Variants in TMTC4 observed in about 807,000 individuals in gnomAD.
The protein encoded by TMTC4 is protein O-mannosyl-transferase TMTC4.
Under a neutral mutation model 86.0 loss-of-function variants are expected in TMTC4, and 65 were observed. The ratio of observed to expected loss-of-function variants is 0.76; its 90% confidence interval spans 0.62 to 0.93. TMTC4 has a LOEUF of 0.93. Ranked by LOEUF, TMTC4 falls within the 40% of genes least tolerant of loss-of-function variation. TMTC4 has a pLI of 0.00. For synonymous variants in TMTC4, 379 were observed against 382.5 expected (o/e 0.99, Z 0.11); for missense variants, 866 against 948.1 (o/e 0.91, Z 1.14).
rs143954200 is a variant in TMTC4 at position 100,642,899 on chromosome 13, C to A, written c.641-588G>T. ...TGACAGAGCTGGCACCTACCTAGCA[C>A]CTGGGGCAGGTAAAGACATGGACCA... On this transcript the variant is annotated intron_variant, in intron 6 of 18. Transcript: ENST00000342624. Among the ~76,000 whole-genome samples the A allele has an allele frequency of 3.3e-3, 495 of 152,298 alleles. 1 individual carries two copies. Among genetic ancestry groups the A allele is most frequent in the African/African-American group, 0.011 (476 of 41,550 alleles).
rs140809677 is a variant in TMTC4, at chr13:100,673,146, C to A, written c.-208+1598G>T. Reference sequence around the variant, plus strand: ...AATTTCTCAAACTTCTCATATCGAGCCTCTGTTTTCAGGAGGTTAAAACAA... The same window carrying A: ...AATTTCTCAAACTTCTCATATCGAGACTCTGTTTTCAGGAGGTTAAAACAA... On this transcript the variant is annotated intron_variant, in intron 1 of 18. Transcript: ENST00000342624. The A allele has an allele frequency of 3.9e-3, 643 of 166,758 alleles. 7 individuals carry two copies. Among genetic ancestry groups the A allele is most frequent in the African/African-American group, 0.015 (625 of 41,802 alleles). The allele number at this position is 166,758 out of a possible 1,614,324, so 10.3% of individuals were successfully genotyped here.
chr13:100,620,594 T>C (rs1879319119), intron 15 of TMTC4, among the ~76,000 whole-genome samples: 1 of 152,208 alleles, frequency 6.6e-6, no homozygotes, highest in African/African-American at 2.4e-5. Context: ...CTAAAACACT[T>C]AGAATGGTTT....
intron 12 of TMTC4, among the ~76,000 whole-genome samples, chr13:100,630,043 GTGTGTGTGTGTGTGTGTGTGTGTA>G (rs1881134231): frequency 1.3e-5 from 2 of 151,466 alleles, no homozygotes; most frequent in Non-Finnish European, 2.9e-5. Flanking sequence ...GTGTGTGTGT[GTGTGTGTGTGTGTGTGTGTGTGTA>G]TGTGTGTGTG....
chr13:100,615,893 T>C (rs1878406077), intron 15 of TMTC4, among the ~76,000 whole-genome samples: 1 of 152,214 alleles, frequency 6.6e-6, no homozygotes, highest in Non-Finnish European at 1.5e-5. Flanking sequence ...GTTTCAACCC[T>C]TGTTTGCCTC....
At chr13:100,627,188 G>A (rs1228800330) in intron 12 of TMTC4, among the ~76,000 whole-genome samples, 3 of 152,174 alleles carry the variant, frequency 2.0e-5, no homozygotes, top group Non-Finnish European at 4.4e-5. Flanking sequence ...CTGGAGCACA[G>A]AGAGCAGGGA....
At chr13:100,617,641 C>T (rs935374263) in intron 15 of TMTC4, among the ~76,000 whole-genome samples, 1 of 152,174 alleles carries the variant, frequency 6.6e-6, no homozygotes, top group African/African-American at 2.4e-5. Flanking sequence ...GACCACATGG[C>T]TGTAGATGTG....
chr13:100,629,890 CA>C (rs1440796717), intron 12 of TMTC4, among the ~76,000 whole-genome samples: 4 of 152,094 alleles, frequency 2.6e-5, no homozygotes, highest in Admixed American at 1.3e-4. Context: ...CGTGAGGACA[CA>C]GGGGGAAGGT....
chr13:100,643,192 T>C (rs967280298), intron 6 of TMTC4, among the ~76,000 whole-genome samples: 4 of 152,180 alleles, frequency 2.6e-5, no homozygotes, highest in African/African-American at 9.7e-5. Context: ...TTCATCTAAA[T>C]GAATAAGCCA....
chr13:100,670,926 C>T (rs1887016391), intron 1 of TMTC4, among the ~76,000 whole-genome samples: 1 of 152,364 alleles, frequency 6.6e-6, no homozygotes, highest in East Asian at 1.9e-4. Context: ...GGCTCTACAG[C>T]ATGGGCAACA....
intron 6 of TMTC4, among the ~76,000 whole-genome samples, chr13:100,653,225 G>T (rs972787375): frequency 3.3e-5 from 5 of 152,088 alleles, no homozygotes; most frequent in Admixed American, 3.3e-4. Flanking sequence ...TCTATTCTTC[G>T]CATGTTTAAA....
intron 5 of TMTC4, among the ~76,000 whole-genome samples, chr13:100,662,692 C>A (rs918285710): frequency 6.6e-6 from 1 of 152,168 alleles, no homozygotes; most frequent in Non-Finnish European, 1.5e-5. Context: ...AGAGATCACA[C>A]CACACCTTAT....
At chr13:100,628,720 G>T (rs981292367) in intron 12 of TMTC4, among the ~76,000 whole-genome samples, 1 of 152,154 alleles carries the variant, frequency 6.6e-6, no homozygotes, top group Non-Finnish European at 1.5e-5. Flanking sequence ...ACCTTGGAAC[G>T]AGGGCATCAG....
At chr13:100,636,960 A>G (rs1033036514) in intron 9 of TMTC4, among the ~76,000 whole-genome samples, 10 of 152,216 alleles carry the variant, frequency 6.6e-5, no homozygotes, top group African/African-American at 2.4e-4. Context: ...CCATCAGACT[A>G]TGCAATACAT....
chr13:100,664,655 G>T (rs1886194026), intron 3 of TMTC4, among the ~76,000 whole-genome samples: 1 of 152,140 alleles, frequency 6.6e-6, no homozygotes, highest in Non-Finnish European at 1.5e-5. Flanking sequence ...GCACGTGCGG[G>T]TCACCCCTGG....
chr13:100,649,288 C>A (rs1884131209), intron 6 of TMTC4, among the ~76,000 whole-genome samples: 1 of 152,126 alleles, frequency 6.6e-6, no homozygotes, highest in Non-Finnish European at 1.5e-5. Flanking sequence ...GGAAATATGA[C>A]CTGCTCCATC....
intron 7 of TMTC4, among the ~76,000 whole-genome samples, chr13:100,641,066 C>T (rs1025921381): frequency 4.6e-5 from 7 of 152,014 alleles, no homozygotes; most frequent in East Asian, 1.9e-4. Flanking sequence ...CTGACACTGC[C>T]GGTGGAAGCC....
chr13:100,648,487 T>A (rs140429623), intron 6 of TMTC4, among the ~76,000 whole-genome samples: 1 of 152,360 alleles, frequency 6.6e-6, no homozygotes, highest in East Asian at 1.9e-4. Context: ...CACATATGGC[T>A]CCTGTGGTAT....
chr13:100,623,312 A>G (rs1268658017), intron 15 of TMTC4, among the ~76,000 whole-genome samples: 1 of 152,248 alleles, frequency 6.6e-6, no homozygotes, highest in East Asian at 1.9e-4. Context: ...GGCTCACTGC[A>G]ACCTCTGCTT....
rs567192541 is a variant in TMTC4 at position 100,660,853 on chromosome 13, C to T, written c.552+2111G>A. Among the ~76,000 whole-genome samples, 532 of 152,110 alleles carry T rather than the reference C, an allele frequency of 3.5e-3. 6 individuals carry two copies. Among genetic ancestry groups the T allele is most frequent in the African/African-American group, 0.012 (516 of 41,492 alleles). The stretch of plus-strand genomic sequence containing the variant: ...ATTTTTAGTAGAGACGGTTTTTCGC[C>T]ATGTTGGCCAGGCTGGTTTGGAACT... On this transcript the variant is annotated intron_variant, in intron 5 of 18. Transcript: ENST00000342624.
Sources: gnomAD v4.1 joint callset for allele counts (sites outside exome capture counted in the v4.1 genomes callset) on GRCh38, gnomAD v4.1.1 for gene constraint, MANE v1.5 for transcripts, NCBI Gene and HGNC (gene_info 2026-07-23, HGNC 2026-07-21) for gene names.